ZFP64: variants seen among roughly 807,000 people sequenced by gnomAD.
ZFP64 encodes ZFP64 zinc finger protein.
Under a neutral mutation model 51.6 loss-of-function variants are expected in ZFP64, and 14 were observed. That is an observed-to-expected ratio of 0.27 (90% confidence interval 0.18 to 0.42). The LOEUF (loss-of-function observed/expected upper bound fraction) is 0.42, where lower values mean the gene tolerates loss of function less well. Among genes scored for constraint, ZFP64 ranks in the 10% least tolerant of loss-of-function variants. ZFP64 has a pLI of 1.00. For synonymous variants in ZFP64, 375 were observed against 361.4 expected, an observed-to-expected ratio of 1.04 and a Z score of -0.43; for missense variants, 754 against 906.8, an observed-to-expected ratio of 0.83 and a Z score of 2.16.
intron 2 of ZFP64, among the ~76,000 whole-genome samples, chr20:52,178,276 G>A (rs942665634): frequency 3.3e-5 from 5 of 152,102 alleles, no homozygotes; most frequent in African/African-American, 1.2e-4. Context: ...CTGATTAAGA[G>A]CACAGGTTTT....
intron 7 of ZFP64, among the ~76,000 whole-genome samples, chr20:52,094,542 C>A (rs1445694463): frequency 1.3e-5 from 2 of 152,194 alleles, no homozygotes; most frequent in Non-Finnish European, 2.9e-5. Context: ...AGGAAGATCA[C>A]TTGAGGCCAG....
intron 2 of ZFP64, among the ~76,000 whole-genome samples, chr20:52,183,371 T>C (rs1323962815): frequency 5.9e-5 from 9 of 152,200 alleles, no homozygotes; most frequent in Non-Finnish European, 1.3e-4. Flanking sequence ...TCCATTTTTA[T>C]ATGGCTCCCA....
intron 1 of ZFP64, among the ~76,000 whole-genome samples, chr20:52,187,342 C>A (rs955192843): frequency 3.3e-5 from 5 of 152,106 alleles, no homozygotes; most frequent in Non-Finnish European, 7.4e-5. Context: ...AGAAAATTGG[C>A]CAGGCGCGGT....
chr20:52,132,989 T>C (rs1341366400), intron 5 of ZFP64, among the ~76,000 whole-genome samples: 1 of 152,046 alleles, frequency 6.6e-6, no homozygotes, highest in Non-Finnish European at 1.5e-5. Context: ...AATTCAACAA[T>C]ACATTAGAAA....
chr20:52,104,676 C>T (rs749381723), intron 5 of ZFP64: 1 of 473,074 alleles, frequency 2.1e-6, no homozygotes, highest in Middle Eastern at 3.2e-4. Flanking sequence ...TCCCTCCCAT[C>T]CTTCGGGTCT....
rs1172828359 is a variant in ZFP64 at position 52,142,553 on chromosome 20, A to G, written c.763+17570T>C. 2.6e-5 allele frequency among the ~76,000 whole-genome samples: 4 copies of G among 152,026 alleles called. No homozygotes were observed. The East Asian group carries it at 7.8e-4, about 30-fold the overall frequency. On this transcript the variant is annotated intron_variant, in intron 5 of 8. Transcript: ENST00000361387. ...CCTTAAATTTATACCAAAAAAGGCAAAAAAGAGGCCAAGTGCGGTGGCGCA... is the reference window on the plus strand; with the variant it reads ...CCTTAAATTTATACCAAAAAAGGCAGAAAAGAGGCCAAGTGCGGTGGCGCA...
At chr20:52,102,938 G>A (rs918654614) in intron 5 of ZFP64, among the ~76,000 whole-genome samples, 1 of 152,174 alleles carries the variant, frequency 6.6e-6, no homozygotes, top group Non-Finnish European at 1.5e-5. Flanking sequence ...GGGGGAGAAA[G>A]ATGCATGTTT....
intron 7 of ZFP64, among the ~76,000 whole-genome samples, chr20:52,094,321 T>C (rs1437218890): frequency 1.3e-5 from 2 of 152,248 alleles, no homozygotes; most frequent in East Asian, 3.8e-4. Flanking sequence ...TTTCAGAGCA[T>C]AGAGAAAGAT....
At chr20:52,142,384 A>ACACACACACGCG (rs770440510) in intron 5 of ZFP64, among the ~76,000 whole-genome samples, 16,591 of 104,674 alleles carry the variant, frequency 0.16, 1,217 homozygotes, top group Middle Eastern at 0.24. Context: ...ACAGACACAC[A>ACACACACACGCG]CACACACACA....
chr20:52,162,303 GA>G (rs944826558), intron 4 of ZFP64, among the ~76,000 whole-genome samples: 44 of 137,398 alleles, frequency 3.2e-4, no homozygotes, highest in African/African-American at 5.7e-4. Flanking sequence ...ATCTCAAAAG[GA>G]AAAAAAAAAA....
At chr20:52,100,592 G>T (rs1393333304) in intron 5 of ZFP64, among the ~76,000 whole-genome samples, 1 of 152,140 alleles carries the variant, frequency 6.6e-6, no homozygotes, top group Non-Finnish European at 1.5e-5. Context: ...ATAGGCCAAG[G>T]TCTGGGACTT....
At chr20:52,101,199 A>C (rs1039406062) in intron 5 of ZFP64, among the ~76,000 whole-genome samples, 9 of 152,216 alleles carry the variant, frequency 5.9e-5, no homozygotes, top group African/African-American at 2.2e-4. Flanking sequence ...GAAAGTCTGC[A>C]GTAGTCCTAC....
intron 4 of ZFP64, 38 bp downstream of exon 4, chr20:52,164,657 G>C: frequency 6.4e-7 from 1 of 1,567,582 alleles, no homozygotes; most frequent in Non-Finnish European, 8.8e-7. Flanking sequence ...GCACAGAGCA[G>C]GTGTTGAGGG....
chr20:52,116,387 C>G (rs1304503106), intron 5 of ZFP64, among the ~76,000 whole-genome samples: 2 of 151,576 alleles, frequency 1.3e-5, no homozygotes, highest in Non-Finnish European at 2.9e-5. Context: ...CCGCTTGCCT[C>G]GGCCTCCCAA....
chr20:52,165,895 AGGT>A lies in ZFP64; in HGVS notation c.414_416del (p.Pro139del). The A allele has an allele frequency of 6.2e-7, 1 of 1,614,148 alleles. No individual in the cohort carries two copies. On this transcript the variant is annotated inframe_deletion, in exon 3 of 6. Transcript: ENST00000216923. ...AGCAACAGTTAAGCCTTTTCTGAGC[AGGT>A]GGTGTTGTGGGCTTTTTGGTGCGTG...
At chr20:52,190,128 A>G (rs1307089747) in intron 1 of ZFP64, among the ~76,000 whole-genome samples, 2 of 152,206 alleles carry the variant, frequency 1.3e-5, no homozygotes, top group African/African-American at 4.8e-5. Flanking sequence ...GCCATCTTGC[A>G]GGGATACACT....
intron 5 of ZFP64, among the ~76,000 whole-genome samples, chr20:52,112,314 A>G (rs992085395): frequency 1.3e-5 from 2 of 152,166 alleles, no homozygotes; most frequent in Non-Finnish European, 2.9e-5. Flanking sequence ...ATGATAATGG[A>G]GTAAGAGTTA....
intron 5 of ZFP64, among the ~76,000 whole-genome samples, chr20:52,145,880 A>C (rs368772131): frequency 6.6e-6 from 1 of 152,282 alleles, no homozygotes; most frequent in Middle Eastern, 3.4e-3. Context: ...GTCTTTCTTC[A>C]GTAGTAAATT....
At chr20:52,111,150 G>T (rs1978549507) in intron 5 of ZFP64, 9 of 691,746 alleles carry the variant, frequency 1.3e-5, no homozygotes, top group Non-Finnish European at 2.4e-5. Context: ...GTTCCGCGAC[G>T]GGGAGGTGGG....
Sources: gnomAD v4.1 joint callset for allele counts (sites outside exome capture counted in the v4.1 genomes callset) on GRCh38, gnomAD v4.1.1 for gene constraint, MANE v1.5 for transcripts, NCBI Gene and HGNC (gene_info 2026-07-23, HGNC 2026-07-21) for gene names.